Variants in KHDRBS3 observed in about 807,000 individuals in gnomAD.
KHDRBS3 encodes KH RNA binding domain containing, signal transduction associated 3.
Under a neutral mutation model 45.6 loss-of-function variants are expected in KHDRBS3, and 23 were observed. The observed-to-expected ratio is 0.50, with a 90% CI of 0.36 to 0.72. The LOEUF (loss-of-function observed/expected upper bound fraction) is 0.72, where lower values mean the gene tolerates loss of function less well. KHDRBS3 is among the 30% of genes least tolerant of loss of function. KHDRBS3 has a pLI of 0.00. For missense variants in KHDRBS3, 352 were observed against 424.8 expected (o/e 0.83, Z 1.51); for synonymous variants, 162 against 156.5 (o/e 1.04, Z -0.26).
chr8:135,630,991 G>A (rs927574351), intron 7 of KHDRBS3, among the ~76,000 whole-genome samples: 1 of 152,190 alleles, frequency 6.6e-6, no homozygotes, highest in Non-Finnish European at 1.5e-5. Flanking sequence ...GCTCACGCCT[G>A]TAATCCCAGC....
chr8:135,634,432 G>A (rs1830726940), intron 7 of KHDRBS3, among the ~76,000 whole-genome samples: 1 of 152,136 alleles, frequency 6.6e-6, no homozygotes, highest in Non-Finnish European at 1.5e-5. Flanking sequence ...CTTAGAGGGG[G>A]ATTCTCTGAT....
At chr8:135,507,531 T>C (rs926705725) in intron 1 of KHDRBS3, among the ~76,000 whole-genome samples, 4 of 152,184 alleles carry the variant, frequency 2.6e-5, no homozygotes, top group Admixed American at 2.6e-4. Flanking sequence ...TGACTGGCCA[T>C]GGTGTACTTA....
chr8:135,639,198 G>A (rs1256055702), intron 7 of KHDRBS3, among the ~76,000 whole-genome samples: 13 of 152,146 alleles, frequency 8.5e-5, no homozygotes, highest in Admixed American at 7.9e-4. Context: ...AGGAGTAATG[G>A]TGGTGATTGC....
At chr8:135,529,863 A>G (rs1452694554) in intron 2 of KHDRBS3, among the ~76,000 whole-genome samples, 1 of 152,008 alleles carries the variant, frequency 6.6e-6, no homozygotes, top group East Asian at 1.9e-4. Flanking sequence ...GATTGAGACC[A>G]CAGTGAAACC....
At chr8:135,605,190 G>A (rs1030624353) in intron 6 of KHDRBS3, among the ~76,000 whole-genome samples, 1 of 151,552 alleles carries the variant, frequency 6.6e-6, no homozygotes, top group African/African-American at 2.4e-5. Context: ...AATTTTGGAA[G>A]TTTTCAGCCA....
At chr8:135,497,231 A>C (rs1823499812) in intron 1 of KHDRBS3, among the ~76,000 whole-genome samples, 1 of 152,178 alleles carries the variant, frequency 6.6e-6, no homozygotes, top group African/African-American at 2.4e-5. Flanking sequence ...TCCCCACTTC[A>C]TTCCTGGACT....
chr8:135,460,484 T>G (rs952026456), intron 1 of KHDRBS3, among the ~76,000 whole-genome samples: 1 of 152,242 alleles, frequency 6.6e-6, no homozygotes, highest in African/African-American at 2.4e-5. Context: ...AACTGAGATT[T>G]AATTTGAAAT....
chr8:135,574,284 A>T (rs1386512052), intron 5 of KHDRBS3, among the ~76,000 whole-genome samples: 1 of 150,584 alleles, frequency 6.6e-6, no homozygotes, highest in Admixed American at 6.7e-5. Flanking sequence ...CATCTAAAGC[A>T]TTGTTAATGC....
chr8:135,607,068 C>A (rs763567316), intron 7 of KHDRBS3, 31 bp downstream of exon 7: 1 of 1,497,172 alleles, frequency 6.7e-7, no homozygotes, highest in South Asian at 1.1e-5. Context: ...CCAGACCCCA[C>A]AACAGAAACC....
chr8:135,534,002 C>T (rs1407996218), intron 2 of KHDRBS3, among the ~76,000 whole-genome samples: 1 of 152,076 alleles, frequency 6.6e-6, no homozygotes, highest in African/African-American at 2.4e-5. Flanking sequence ...TCCTACTGCA[C>T]GTGTTTTGCT....
At chr8:135,603,478 A>G (rs1193731614) in intron 6 of KHDRBS3, among the ~76,000 whole-genome samples, 1 of 152,220 alleles carries the variant, frequency 6.6e-6, no homozygotes, top group African/African-American at 2.4e-5. Context: ...TCATACTCAA[A>G]TTAGTAATCT....
chr8:135,517,764 T>C (rs1316090431), intron 1 of KHDRBS3, among the ~76,000 whole-genome samples: 1 of 152,166 alleles, frequency 6.6e-6, no homozygotes, highest in African/African-American at 2.4e-5. Context: ...TGTGTGGTGC[T>C]TTAGGCTTGT....
At chr8:135,483,094 A>AC (rs1390537408) in intron 1 of KHDRBS3, among the ~76,000 whole-genome samples, 2 of 151,812 alleles carry the variant, frequency 1.3e-5, no homozygotes, top group Non-Finnish European at 2.9e-5. Context: ...ATCTTTCTCC[A>AC]CCCCCCAACC....
At chr8:135,543,899 A>G (rs1197781997) in intron 3 of KHDRBS3, among the ~76,000 whole-genome samples, 2 of 152,132 alleles carry the variant, frequency 1.3e-5, no homozygotes, top group Admixed American at 6.6e-5. Flanking sequence ...CCATACCTCT[A>G]CTTGTTTAGG....
At chr8:135,564,928 G>A (rs1447049890) in intron 5 of KHDRBS3, among the ~76,000 whole-genome samples, 1 of 152,126 alleles carries the variant, frequency 6.6e-6, no homozygotes, top group African/African-American at 2.4e-5. Context: ...AGGAGGTGAG[G>A]GTTGATGGGA....
At chr8:135,522,606 T>C (rs1824973131) in intron 2 of KHDRBS3, among the ~76,000 whole-genome samples, 1 of 152,186 alleles carries the variant, frequency 6.6e-6, no homozygotes, top group African/African-American at 2.4e-5. Context: ...CTTTTGATGG[T>C]ATATTGGTAT....
intron 2 of KHDRBS3, among the ~76,000 whole-genome samples, chr8:135,529,686 C>T (rs1825369106): frequency 6.6e-6 from 1 of 151,720 alleles, no homozygotes; most frequent in Non-Finnish European, 1.5e-5. Context: ...ATATATAGGC[C>T]TCCTAAAATT....
chr8:135,626,803 C>CAAAAAAA (rs57231709), intron 7 of KHDRBS3, among the ~76,000 whole-genome samples: 1 of 91,124 alleles, frequency 1.1e-5, no homozygotes, highest in Non-Finnish European at 2.0e-5. Context: ...GACTCCGTCT[C>CAAAAAAA]AAAAAAAAAA....
At chr8:135,641,608 A>T (rs943029151) in intron 7 of KHDRBS3, among the ~76,000 whole-genome samples, 4 of 152,220 alleles carry the variant, frequency 2.6e-5, no homozygotes, top group African/African-American at 9.6e-5. Context: ...GCTGTGAAAG[A>T]GCCATGGAAG....
Sources: allele counts gnomAD v4.1 joint callset (sites outside exome capture counted in the v4.1 genomes callset), GRCh38; gene constraint gnomAD v4.1.1; transcripts MANE v1.5; gene names NCBI Gene and HGNC (gene_info 2026-07-23, HGNC 2026-07-21).